The following BLTP2 variants were observed in gnomAD, a reference collection of about 807,000 sequenced individuals.
BLTP2 encodes the protein U937-associated antigen.
chr17:28,636,896 AAAAG>A, the BLTP2 span: 1 of 1,309,700 alleles, frequency 7.6e-7, no homozygotes, highest in Non-Finnish European at 1.1e-6. Flanking sequence ...AAAAAAAAAA[AAAAG>A]ACAGAGAAAG....
chr17:28,641,831 CT>C, the BLTP2 span: 4 of 1,487,246 alleles, frequency 2.7e-6, no homozygotes, highest in South Asian at 3.7e-5. Flanking sequence ...ATTTTTTCTA[CT>C]TCCAAAACAA....
At chr17:28,634,876 C>T in the BLTP2 span, 219 of 1,614,002 alleles carry the variant, frequency 1.4e-4, 3 homozygotes, top group South Asian at 2.3e-3. Flanking sequence ...TCTTTTGGCA[C>T]TCTCCTTACT....
the BLTP2 span, chr17:28,644,040 G>C: frequency 6.2e-6 from 10 of 1,613,438 alleles, no homozygotes; most frequent in African/African-American, 1.3e-5. Context: ...CACATATCCA[G>C]AGTTTCCCAG....
chr17:28,633,750 C>T, the BLTP2 span: 17 of 1,612,814 alleles, frequency 1.1e-5, no homozygotes, highest in African/African-American at 1.3e-5. Context: ...GGAATATTTC[C>T]GCTGGGGTAG....
the BLTP2 span, chr17:28,623,673 G>A: frequency 9.3e-7 from 1 of 1,072,510 alleles, no homozygotes; most frequent in Non-Finnish European, 1.4e-6. Flanking sequence ...GCTAGTAACA[G>A]CAGGTTACTG....
At chr17:28,614,974 C>T in the BLTP2 span, 30 of 1,249,718 alleles carry the variant, frequency 2.4e-5, no homozygotes, top group African/African-American at 3.6e-4. Context: ...CACAAATCCT[C>T]GTGGATAACG....
the BLTP2 span, chr17:28,615,354 A>G: frequency 7.3e-6 from 7 of 964,340 alleles, no homozygotes; most frequent in African/African-American, 8.3e-5. Flanking sequence ...CCAAGGCACA[A>G]TGGGGCAATT....
At chr17:28,639,303 G>T in the BLTP2 span, 5 of 1,614,012 alleles carry the variant, frequency 3.1e-6, no homozygotes, top group Non-Finnish European at 4.2e-6. Context: ...GGCTGAAAAA[G>T]ATCAGACTGA....
chr17:28,616,610 G>C, the BLTP2 span: 1 of 1,614,146 alleles, frequency 6.2e-7, no homozygotes, highest in South Asian at 1.1e-5. The surrounding 1 kb of genome is among the most constrained non-coding windows in gnomAD (Gnocchi z 4.8). Flanking sequence ...CACCATAAAA[G>C]TTCTCACCAG....
the BLTP2 span, chr17:28,618,807 C>T: frequency 6.2e-7 from 1 of 1,613,714 alleles, no homozygotes; most frequent in Non-Finnish European, 8.5e-7. Flanking sequence ...GTAGAGGAAC[C>T]TCTGCAGTTC....
the BLTP2 span, chr17:28,631,427 G>C: frequency 8.0e-6 from 12 of 1,492,924 alleles, no homozygotes; most frequent in Admixed American, 1.7e-4. Context: ...CAAGTAGGCT[G>C]AGATACCTAC....
the BLTP2 span, chr17:28,638,121 T>C: frequency 1.2e-6 from 2 of 1,609,826 alleles, no homozygotes; most frequent in Non-Finnish European, 1.7e-6. Flanking sequence ...CGGATCCCAT[T>C]AGAAGTATGC....
chr17:28,641,291 A>T, the BLTP2 span, among the ~76,000 whole-genome samples: 3 of 152,230 alleles, frequency 2.0e-5, no homozygotes, highest in African/African-American at 7.2e-5. Context: ...AAAAATCCAC[A>T]TAAGTGGATC....
the BLTP2 span, chr17:28,624,207 T>A: frequency 5.0e-6 from 8 of 1,608,488 alleles, no homozygotes; most frequent in Non-Finnish European, 6.0e-6. Context: ...AGCCTGATGT[T>A]GAGGTAACTT....
At chr17:28,640,120 C>T in the BLTP2 span, 2 of 1,375,302 alleles carry the variant, frequency 1.5e-6, no homozygotes, top group Admixed American at 2.0e-5. Flanking sequence ...TTTGGCCAGG[C>T]GCAGTGGCTC....
At chr17:28,641,589 C>A in the BLTP2 span, among the ~76,000 whole-genome samples, 2 of 151,180 alleles carry the variant, frequency 1.3e-5, no homozygotes. Context: ...TGCAGTGAGC[C>A]GAGATCACGC....
At chr17:28,638,180 T>C in the BLTP2 span, 1 of 1,597,048 alleles carries the variant, frequency 6.3e-7, no homozygotes, top group South Asian at 1.1e-5. Flanking sequence ...TGCATTAGGA[T>C]GCTCAGCGCT....
chr17:28,643,983 T>A, the BLTP2 span: 4 of 1,524,242 alleles, frequency 2.6e-6, no homozygotes, highest in Middle Eastern at 1.8e-4. Context: ...TTTCTATTTT[T>A]AAAAAAAGGA....
the BLTP2 span, chr17:28,628,522 G>A: frequency 6.2e-7 from 1 of 1,614,178 alleles, no homozygotes; most frequent in Non-Finnish European, 8.5e-7. Context: ...CAGCTGATGT[G>A]TATGAAAGGT....
Sources: allele counts gnomAD v4.1 joint callset (sites outside exome capture counted in the v4.1 genomes callset), GRCh38; gene constraint gnomAD v4.1.1; non-coding constraint Gnocchi (gnomAD v3.1); transcripts MANE v1.5; gene names NCBI Gene and HGNC (gene_info 2026-07-23, HGNC 2026-07-21).